Variants in FAT2 observed in about 807,000 individuals in gnomAD.
FAT2 encodes the protein protocadherin Fat 2.
In FAT2, 150 loss-of-function variants were observed where a neutral mutation model predicts 295.3. The ratio of observed to expected loss-of-function variants is 0.51; its 90% confidence interval spans 0.44 to 0.58. FAT2 has a LOEUF of 0.58. Among genes scored for constraint, FAT2 ranks in the 20% least tolerant of loss-of-function variants. The pLI is 0.00. For missense variants in FAT2, 4,868 were observed against 5,442.7 expected, an observed-to-expected ratio of 0.89 and a Z score of 3.32; for synonymous variants, 2,026 against 2,150.3, an observed-to-expected ratio of 0.94 and a Z score of 1.60.
At chr5:151,570,190 C>T (rs537518766) in intron 1 of FAT2, among the ~76,000 whole-genome samples, 4 of 152,332 alleles carry the variant, frequency 2.6e-5, no homozygotes, top group East Asian at 3.9e-4. Flanking sequence ...TTGCACAGAC[C>T]AGGGTTGCCT....
intron 7 of FAT2, 63 bp from the exon 8 acceptor site, chr5:151,550,934 T>C: frequency 6.7e-7 from 1 of 1,503,352 alleles, no homozygotes; most frequent in Non-Finnish European, 9.1e-7. Flanking sequence ...ACTGGGTCTG[T>C]CTGGACCTCC....
At chr5:151,586,385 C>T (rs538459181) in intron 1 of FAT2, among the ~76,000 whole-genome samples, 4 of 152,292 alleles carry the variant, frequency 2.6e-5, no homozygotes, top group Non-Finnish European at 5.9e-5. Context: ...TTGCAGGGGC[C>T]GCCCAGGAAC....
At chr5:151,511,686 A>G (rs1561813405) in intron 21 of FAT2, 2 of 162,034 alleles carry the variant, frequency 1.2e-5, no homozygotes, top group African/African-American at 4.8e-5. Context: ...TCTTAAAAAT[A>G]TGGTGCTGAG....
Position 151,545,420 on chromosome 5 carries a change from C to T in FAT2, c.5707G>A (p.Val1903Ile), listed in dbSNP as rs2127612086. Reference protein sequence around the residue: ...MVRASDEDSEVNYSIKTGNAD... With the variant: ...MVRASDEDSEINYSIKTGNAD... ...TTGCCAGTTTTGATGCTATAATTGA[C>T]TTCTGAGTCTTCATCGCTGGCCCGC... The change falls in exon 10 of 24, where the codon GTC (valine) becomes ATC (isoleucine). Residue 1903 changes from valine (V) to isoleucine (I), a missense_variant. Physicochemically the swap from Val to Ile is conservative, Grantham distance 29 (BLOSUM62 3). Coordinates refer to ENST00000261800, the MANE Select transcript of FAT2 (RefSeq NM_001447.3). The T allele has an allele frequency of 6.2e-7, 1 of 1,614,172 alleles. No homozygotes were observed.
chr5:151,535,787 C>A (rs1016654889), intron 12 of FAT2, among the ~76,000 whole-genome samples: 7 of 152,220 alleles, frequency 4.6e-5, no homozygotes, highest in African/African-American at 1.7e-4. Flanking sequence ...GGATCTGACA[C>A]TATCTCCAGG....
rs185141401 is a variant in FAT2, at chr5:151,523,051, A to G, written c.10507-965T>C. ...TTGCCTTCTTCTCCTCAGTGATGTTATCACTTCCTCAGCTGTCAACGAGGG... is the reference window on the plus strand; with the variant it reads ...TTGCCTTCTTCTCCTCAGTGATGTTGTCACTTCCTCAGCTGTCAACGAGGG... On this transcript the variant is annotated intron_variant, in intron 18 of 23. Transcript: ENST00000261800. Among the ~76,000 whole-genome samples the G allele has an allele frequency of 2.4e-3, 362 of 152,302 alleles. 1 individual carries two copies. The highest frequency in any genetic ancestry group is 7.9e-3 in the African/African-American group (328 of 41,558).
intron 10 of FAT2, 79 bp downstream of exon 10, chr5:151,542,206 T>G: frequency 7.1e-7 from 1 of 1,408,946 alleles, no homozygotes; most frequent in East Asian, 2.3e-5. Flanking sequence ...ATCCAGGACA[T>G]GAACCCATTT....
At chr5:151,556,226 G>A (rs559950023) in intron 4 of FAT2, 118 bp downstream of exon 4, 5 of 805,980 alleles carry the variant, frequency 6.2e-6, no homozygotes, top group South Asian at 5.6e-5. Context: ...TTCAGCTCAC[G>A]TATATCTTCC....
intron 8 of FAT2, 150 bp downstream of exon 8, chr5:151,550,440 G>T (rs1170816868): frequency 5.9e-6 from 5 of 844,424 alleles, no homozygotes; most frequent in Non-Finnish European, 9.0e-6. Context: ...CCTTATGGAA[G>T]GTGCCCTTAG....
chr5:151,505,269 C>A lies in FAT2; in HGVS notation c.*296G>T. The stretch of plus-strand genomic sequence containing the variant: ...CTGAGAGCCGGCAGATCAGGGAGCC[C>A]TCCTGTCTCTCGCCCACCCCGGGAG... On this transcript the variant is annotated 3_prime_UTR_variant, in exon 24 of 24. Coordinates refer to ENST00000261800, the MANE Select transcript of FAT2 (RefSeq NM_001447.3). 1 of 475,554 alleles carries A rather than the reference C, an allele frequency of 2.1e-6. No individual in the cohort carries two copies. The highest frequency in any genetic ancestry group is 2.7e-5 in the South Asian group (1 of 37,060). 29.5% of individuals were successfully genotyped at this position (475,554 alleles called of 1,614,324 possible). A position where few individuals can be genotyped will look rare whatever the true frequency, so the allele number is the denominator to read the frequency against.
intron 1 of FAT2, among the ~76,000 whole-genome samples, chr5:151,582,235 A>G (rs1446223891): frequency 6.6e-6 from 1 of 152,184 alleles, no homozygotes; most frequent in Non-Finnish European, 1.5e-5. Context: ...CTGCAGGCCA[A>G]GTCCCTGTGT....
rs945111701 is a variant in FAT2, at chr5:151,567,459, T to C, written c.1473A>G (p.Gly491=). ...GTCCAGCAATGGAATAGGTGACATA[T>C]CCATTTTCCCCATGATCCCGGTCAG... The part of the protein sequence containing the change: ...TATDRDHGEN[G]YVTYSIAGPK... Residue 491 remains glycine (G), a synonymous_variant, in exon 2 of 24, where the codon GGA becomes GGG. Coordinates refer to ENST00000261800, the MANE Select transcript of FAT2 (RefSeq NM_001447.3). 1.9e-5 allele frequency: 30 copies of C among 1,614,162 alleles called. No homozygotes were observed. Among genetic ancestry groups the C allele is most frequent in the East Asian group, 2.2e-5 (1 of 44,888 alleles).
intron 21 of FAT2, chr5:151,510,472 C>T (rs1010907417): frequency 4.1e-5 from 10 of 243,166 alleles, no homozygotes; most frequent in Non-Finnish European, 8.2e-5. Context: ...AAGGATCTTC[C>T]TGTGTTGGCT....
rs1758394034 is a variant in FAT2 at position 151,568,619 on chromosome 5, C to T, written c.313G>A (p.Ala105Thr). 1 of 1,614,050 alleles carries T rather than the reference C, an allele frequency of 6.2e-7. No homozygotes were observed. Among genetic ancestry groups the T allele is most frequent in the Non-Finnish European group, 8.5e-7 (1 of 1,180,024 alleles). The change falls in exon 2 of 24, where the codon GCT becomes ACT. Residue 105 changes from alanine (A) to threonine (T), a missense_variant. Ala to Thr is a moderately conservative substitution (Grantham distance 58). Coordinates refer to ENST00000261800, the MANE Select transcript of FAT2 (RefSeq NM_001447.3). ...TCTCGCACCTCTCTGTTCAGAAGAG[C>T]TGTGTTGCTGCTCTTTGTCCTTATT... Reference protein sequence around the residue: ...LRIRTKSSNTALLNREVRDSY... With the variant: ...LRIRTKSSNTTLLNREVRDSY...
intron 11 of FAT2, among the ~76,000 whole-genome samples, chr5:151,539,572 C>A (rs1193096833): frequency 6.6e-6 from 1 of 152,074 alleles, no homozygotes; most frequent in African/African-American, 2.4e-5. Flanking sequence ...GTATGTATAA[C>A]TGTGCATTTT....
rs760759565 is a variant in FAT2, at chr5:151,522,066, A to G, written c.10527T>C (p.Pro3509=). The G allele has an allele frequency of 6.3e-7, 1 of 1,596,230 alleles. No homozygotes were observed. The highest frequency in any genetic ancestry group is 1.1e-5 in the South Asian group (1 of 90,190). The part of the protein sequence containing the change: ...LQIQASDSGI[P]PLSSLTSVRV... The stretch of plus-strand genomic sequence containing the variant: ...GGACAGACGTCAAAGACGAGAGGGG[A>G]GGGATGCCACTGTCTGACGCCTGTG... The change falls in exon 19 of 24, where the codon CCT becomes CCC. Residue 3509 remains proline (P), a synonymous_variant. Transcript: ENST00000261800.
At position 151,544,092 on chromosome 5, in the gene FAT2, A is replaced by G. The variant is rs1756405997; in HGVS notation, c.7035T>C (p.Phe2345=). The change falls in exon 10 of 24, where the codon TTT becomes TTC. Residue 2345 remains phenylalanine, a synonymous_variant. Transcript: ENST00000261800. ...QELDYEAQQH[F]HVKVRAMDKG... is the part of the protein sequence containing the mutation. ...TATCCATGGCCCTGACTTTCACATGAAAGTGTTGTTGGGCTTCATAATCCA... is the reference window on the plus strand; with the variant it reads ...TATCCATGGCCCTGACTTTCACATGGAAGTGTTGTTGGGCTTCATAATCCA... 6.2e-7 allele frequency: 1 copy of G among 1,614,174 alleles called. No individual in the cohort carries two copies. The highest frequency in any genetic ancestry group is 1.7e-5 in the Admixed American group (1 of 60,020).
At chr5:151,540,255 C>T (rs999197047) in intron 11 of FAT2, among the ~76,000 whole-genome samples, 2 of 152,172 alleles carry the variant, frequency 1.3e-5, no homozygotes, top group Non-Finnish European at 2.9e-5. Context: ...TGGTCCCTGC[C>T]CCTGGGAGCT....
At position 151,521,882 on chromosome 5, in the gene FAT2, C is replaced by T. The variant is rs199917211; in HGVS notation, c.10711G>A (p.Glu3571Lys). 64 of 1,614,144 alleles carry T rather than the reference C, an allele frequency of 4.0e-5. No individual in the cohort carries two copies. Among genetic ancestry groups the T allele is most frequent in the South Asian group, 7.7e-5 (7 of 91,078 alleles). ...QDTLTYSLAE[E>K]ETLGRHFSVG... The stretch of plus-strand genomic sequence containing the variant: ...GAGAAGTGCCTGCCCAGGGTCTCCT[C>T]TTCTGCCAGGCTATAGGTCAGCGTG... Residue 3571 changes from glutamate to lysine, a missense_variant, in exon 19 of 24, where the codon GAG (glutamate) becomes AAG (lysine). Coordinates refer to ENST00000261800, the MANE Select transcript of FAT2 (RefSeq NM_001447.3).
Sources: allele counts gnomAD v4.1 joint callset (sites outside exome capture counted in the v4.1 genomes callset), GRCh38; gene constraint gnomAD v4.1.1; transcripts MANE v1.5; gene names NCBI Gene and HGNC (gene_info 2026-07-23, HGNC 2026-07-21).